The following PAX7 variants were observed in gnomAD, a reference collection of about 807,000 sequenced individuals.
The protein encoded by PAX7 is paired box protein Pax-7.
Under a neutral mutation model 50.7 loss-of-function variants are expected in PAX7, and 18 were observed. The observed-to-expected ratio is 0.36, with a 90% CI of 0.25 to 0.53. PAX7 has a LOEUF of 0.53. PAX7 is among the 20% of genes least tolerant of loss of function. The pLI, the probability that PAX7 is intolerant of heterozygous loss-of-function variation, is 0.93. For missense variants in PAX7, 644 were observed against 702.9 expected (o/e 0.92, Z 0.95); for synonymous variants, 310 against 290.4 (o/e 1.07, Z -0.69).
intron 4 of PAX7, among the ~76,000 whole-genome samples, chr1:18,677,248 T>C (rs2088836264): frequency 1.3e-5 from 2 of 152,306 alleles, no homozygotes; most frequent in Admixed American, 1.3e-4. Context: ...GGTGGAGATC[T>C]TGTTTCTAAG....
intron 7 of PAX7, among the ~76,000 whole-genome samples, chr1:18,719,728 C>T (rs1433865302): frequency 1.3e-5 from 2 of 152,208 alleles, no homozygotes; most frequent in Non-Finnish European, 2.9e-5. Flanking sequence ...TTCCCTGAGC[C>T]CCCTGGACTG....
chr1:18,667,347 TGGAA>T (rs781370357), intron 4 of PAX7, among the ~76,000 whole-genome samples: 4 of 132,618 alleles, frequency 3.0e-5, no homozygotes, highest in Admixed American at 8.3e-5. Context: ...CTTCAGAGAG[TGGAA>T]GGAAGGAAGG....
intron 4 of PAX7, among the ~76,000 whole-genome samples, chr1:18,671,805 A>C (rs1006910066): frequency 1.0e-4 from 9 of 86,626 alleles, no homozygotes; most frequent in Non-Finnish European, 1.5e-4. Context: ...CTAACTCTAT[A>C]AAAAAAAAAA....
chr1:18,635,716 A>T (rs35439138), intron 3 of PAX7, among the ~76,000 whole-genome samples: 4,609 of 152,186 alleles, frequency 0.03, 118 homozygotes, highest in Non-Finnish European at 0.045. Context: ...TCTCAGAGTT[A>T]TGATTTCTGC....
chr1:18,743,438 A>G (rs1931254975), intron 8 of PAX7, among the ~76,000 whole-genome samples: 1 of 152,228 alleles, frequency 6.6e-6, no homozygotes, highest in Non-Finnish European at 1.5e-5. Context: ...CTGGGCAGGA[A>G]CCTCCAACCT....
At chr1:18,705,476 A>G (rs1452182796) in intron 7 of PAX7, among the ~76,000 whole-genome samples, 1 of 152,212 alleles carries the variant, frequency 6.6e-6, no homozygotes, top group Non-Finnish European at 1.5e-5. Flanking sequence ...GGAGGGCCCC[A>G]GTACACATTG....
chr1:18,639,699 C>A (rs1160776403), intron 4 of PAX7, among the ~76,000 whole-genome samples: 2 of 152,118 alleles, frequency 1.3e-5, no homozygotes, highest in African/African-American at 4.8e-5. Context: ...TAGGGGTTTG[C>A]AATGGGTCAA....
In PAX7 at chr1:18,667,994, C is replaced by T. The variant is rs551804592; in HGVS notation, c.587-23760C>T. ...CTCCTAACCATGCTGCCTCTGGAAC[C>T]GAGTAAAATATGGGAAACTTCCGGG... On this transcript the variant is annotated intron_variant, in intron 4 of 8. Transcript: ENST00000420770. Among the ~76,000 whole-genome samples, 5 of 152,172 alleles carry T rather than the reference C, an allele frequency of 3.3e-5. No individual in the cohort carries two copies. In the South Asian group the frequency reaches 8.3e-4, roughly 25 times the overall value.
chr1:18,650,212 G>T (rs1238282949), intron 4 of PAX7, among the ~76,000 whole-genome samples: 3 of 152,210 alleles, frequency 2.0e-5, no homozygotes, highest in Non-Finnish European at 4.4e-5. Flanking sequence ...CAGAGATAAG[G>T]TGATAACTGC....
chr1:18,748,400 G>C lies in PAX7; in HGVS notation c.*3471G>C, dbSNP rs1487946392. On this transcript the variant is annotated 3_prime_UTR_variant, in exon 9 of 9. Coordinates refer to ENST00000420770, the MANE Select transcript of PAX7 (RefSeq NM_001135254.2). ...TGTCTCGCACTATTGGACACTTTTT[G>C]GGGGTACACAGGTCTTCTCTCCTCC... The C allele has an allele frequency of 4.3e-6, 1 of 231,118 alleles. No homozygotes were observed. Among genetic ancestry groups the C allele is most frequent in the African/African-American group, 2.2e-5 (1 of 45,182 alleles). The allele number at this position is 231,118 out of a possible 1,614,324, so 14.3% of individuals were successfully genotyped here. A position where few individuals can be genotyped will look rare whatever the true frequency, so the allele number is the denominator to read the frequency against.
In PAX7 at chr1:18,703,111, C is replaced by T; in HGVS notation, c.970C>T (p.His324Tyr). The change falls in exon 7 of 9, where the codon CAC (histidine) becomes TAC (tyrosine). Residue 324 changes from histidine (H) to tyrosine (Y), a missense_variant. Physicochemically the swap from His to Tyr is moderately conservative, Grantham distance 83 (BLOSUM62 2). Coordinates refer to ENST00000420770, the MANE Select transcript of PAX7 (RefSeq NM_001135254.2). ...CTCTACAGATGGGGGCAGCACTGTG[C>T]ACCGGCCTCAGCCCCTGCCACCGTC... The part of the protein sequence containing the change: ...TISQDGGSTV[H>Y]RPQPLPPSTM... The T allele has an allele frequency of 6.2e-7, 1 of 1,613,782 alleles. No individual in the cohort carries two copies. The highest frequency in any genetic ancestry group is 1.1e-5 in the South Asian group (1 of 91,030).
At chr1:18,717,385 C>T (rs569417343) in intron 7 of PAX7, among the ~76,000 whole-genome samples, 2 of 152,328 alleles carry the variant, frequency 1.3e-5, no homozygotes, top group East Asian at 3.9e-4. Flanking sequence ...CTCGGGAGCG[C>T]CCCGTTCCCC....
chr1:18,652,796 G>T (rs927361356), intron 4 of PAX7, among the ~76,000 whole-genome samples: 1 of 152,172 alleles, frequency 6.6e-6, no homozygotes, highest in African/African-American at 2.4e-5. Flanking sequence ...GATGGGCAGG[G>T]CCATCTCACT....
At chr1:18,671,804 TA>T (rs112404710) in intron 4 of PAX7, among the ~76,000 whole-genome samples, 18,123 of 135,238 alleles carry the variant, frequency 0.13, 1,221 homozygotes, top group East Asian at 0.3. Context: ...CCTAACTCTA[TA>T]AAAAAAAAAA....
intron 8 of PAX7, among the ~76,000 whole-genome samples, chr1:18,741,582 A>G (rs1239944060): frequency 8.5e-5 from 13 of 152,208 alleles, no homozygotes; most frequent in Non-Finnish European, 1.5e-5. Flanking sequence ...ACCCCCAAAA[A>G]TATGTGCAAA....
chr1:18,634,305 T>C lies in PAX7; in HGVS notation c.88T>C (p.Ser30Pro). 1.9e-6 allele frequency: 3 copies of C among 1,613,314 alleles called. No homozygotes were observed. The highest frequency in any genetic ancestry group is 2.2e-5 in the East Asian group (1 of 44,858). Residue 30 changes from serine to proline, a missense_variant and splice_region_variant, in exon 2 of 9, where the codon TCC (serine) becomes CCC (proline). Ser to Pro is a moderately conservative substitution (Grantham distance 74, BLOSUM62 -1). Coordinates refer to ENST00000420770, the MANE Select transcript of PAX7 (RefSeq NM_001135254.2). This position sits in a 1 kb window ranked among gnomAD's most constrained non-coding sequence, Gnocchi z 4.0. ...YPRTGFPLEV[S>P]TPLGQGRVNQ... ...TGCATCTCCCCTCCCTTCTCCAGTG[T>C]CCACCCCGCTTGGCCAAGGCCGGGT...
chr1:18,744,739 TGG>T, intron 8 of PAX7, 73 bp from the exon 9 acceptor site: 1 of 761,360 alleles, frequency 1.3e-6, no homozygotes. Flanking sequence ...GATGGATGGA[TGG>T]GTGTAGATAG....
rs535587995 is a variant in PAX7 at position 18,689,583 on chromosome 1, CA to C, written c.587-2162del. On this transcript the variant is annotated intron_variant, in intron 4 of 8. Coordinates refer to ENST00000420770, the MANE Select transcript of PAX7 (RefSeq NM_001135254.2). ...CCATCAGAGACCACCTGGCACTGGC[CA>C]AAAAAAAAGCAAGGATAACTTTCCA... Among the ~76,000 whole-genome samples the C allele has an allele frequency of 2.4e-3, 363 of 149,288 alleles. 4 individuals carry two copies. In the South Asian group the frequency reaches 0.03, roughly 12 times the overall value.
At chr1:18,667,391 A>G (rs150196972) in intron 4 of PAX7, among the ~76,000 whole-genome samples, 433 of 113,450 alleles carry the variant, frequency 3.8e-3, no homozygotes, top group African/African-American at 0.014. Flanking sequence ...AAGGAAGGAG[A>G]AAGGAAGGAA....
Sources: allele counts gnomAD v4.1 joint callset (sites outside exome capture counted in the v4.1 genomes callset), GRCh38; gene constraint gnomAD v4.1.1; non-coding constraint Gnocchi (gnomAD v3.1); transcripts MANE v1.5; gene names NCBI Gene and HGNC (gene_info 2026-07-23, HGNC 2026-07-21).